Variants in SCN9A observed in about 807,000 individuals in gnomAD.
SCN9A encodes sodium voltage-gated channel alpha subunit 9, also known as sodium channel protein type 9 subunit alpha.
A neutral mutation model predicts 187.0 loss-of-function variants in SCN9A; 131 were observed. The observed-to-expected ratio is 0.70, with a 90% confidence interval of 0.61 to 0.81. SCN9A has a LOEUF of 0.81. Among genes scored for constraint, SCN9A ranks in the 30% least tolerant of loss-of-function variants. The probability of loss-of-function intolerance (pLI) is 0.00; values close to 1 mark genes in which losing one functional copy is unlikely to be tolerated. For missense variants in SCN9A, 2,252 were observed against 2,396.6 expected, an observed-to-expected ratio of 0.94 and a Z score of 1.26; for synonymous variants, 809 against 808.6, an observed-to-expected ratio of 1.00 and a Z score of -0.01.
At chr2:166,357,393 TG>T (rs1304975106) in intron 1 of SCN9A, among the ~76,000 whole-genome samples, 1 of 152,228 alleles carries the variant, frequency 6.6e-6, no homozygotes, top group African/African-American at 2.4e-5. Context: ...CTAACTCTGC[TG>T]ATCTTTAAGA....
intron 17 of SCN9A, among the ~76,000 whole-genome samples, chr2:166,265,824 G>A (rs1205042311): frequency 1.3e-5 from 2 of 151,946 alleles, no homozygotes; most frequent in Admixed American, 6.6e-5. Context: ...GTGATGTTGA[G>A]CATATTTTCA....
At chr2:166,272,916 C>T in intron 16 of SCN9A, 41 bp from the exon 17 acceptor site, 1 of 854,164 alleles carries the variant, frequency 1.2e-6, no homozygotes, top group Non-Finnish European at 1.7e-6. Flanking sequence ...AATAGGGAGA[C>T]AGGAAATATA....
chr2:166,332,228 T>C (rs1465965721), intron 1 of SCN9A, among the ~76,000 whole-genome samples: 1 of 152,186 alleles, frequency 6.6e-6, no homozygotes, highest in Non-Finnish European at 1.5e-5. Context: ...ACCAGTAGTC[T>C]AGCCAGCTGG....
intron 20 of SCN9A, among the ~76,000 whole-genome samples, chr2:166,234,172 G>A (rs1370981584): frequency 6.6e-5 from 10 of 152,170 alleles, no homozygotes; most frequent in South Asian, 2.1e-4. Flanking sequence ...AGTTCTTATC[G>A]TAAATTATCT....
At chr2:166,355,687 C>T (rs1447520134) in intron 1 of SCN9A, among the ~76,000 whole-genome samples, 1 of 151,680 alleles carries the variant, frequency 6.6e-6, no homozygotes, top group Non-Finnish European at 1.5e-5. Flanking sequence ...GTAACTTTAA[C>T]ATTAAAAATA....
intron 1 of SCN9A, among the ~76,000 whole-genome samples, chr2:166,362,457 G>C (rs539520802): frequency 6.6e-6 from 1 of 151,930 alleles, no homozygotes; most frequent in Admixed American, 6.6e-5. Context: ...ATTTTTTTAA[G>C]GGTGAATTAA....
intron 26 of SCN9A, among the ~76,000 whole-genome samples, chr2:166,201,187 C>T (rs1290162269): frequency 6.7e-6 from 1 of 148,854 alleles, no homozygotes; most frequent in African/African-American, 2.5e-5. Flanking sequence ...TATATACACA[C>T]ACTATATATA....
chr2:166,246,478 T>C (rs769360863), intron 18 of SCN9A, among the ~76,000 whole-genome samples: 1 of 151,964 alleles, frequency 6.6e-6, no homozygotes, highest in Non-Finnish European at 1.5e-5. Flanking sequence ...GATAAAATGA[T>C]ATAAAAACAG....
intron 17 of SCN9A, among the ~76,000 whole-genome samples, chr2:166,252,474 A>G (rs893878974): frequency 6.6e-6 from 1 of 151,950 alleles, no homozygotes; most frequent in African/African-American, 2.4e-5. Context: ...CAAGACCACA[A>G]AATCAAATAC....
At chr2:166,311,250 A>T (rs1445781743) in intron 2 of SCN9A, among the ~76,000 whole-genome samples, 20 of 102,740 alleles carry the variant, frequency 1.9e-4, no homozygotes, top group African/African-American at 7.0e-4. Flanking sequence ...AGTATAATTA[A>T]AAAAAAAAAT....
chr2:166,374,506 A>C (rs1005523786), intron 1 of SCN9A, among the ~76,000 whole-genome samples: 14 of 152,188 alleles, frequency 9.2e-5, no homozygotes, highest in African/African-American at 2.7e-4. Flanking sequence ...CCATAATTAT[A>C]AGAAAAAATT....
chr2:166,269,927 T>C (rs1035586000), intron 17 of SCN9A, among the ~76,000 whole-genome samples: 1 of 152,074 alleles, frequency 6.6e-6, no homozygotes, highest in African/African-American at 2.4e-5. Flanking sequence ...AATTTTAATC[T>C]TCTTTAAATG....
At chr2:166,288,120 T>TATATATATATATATACACACACAC (rs56738765) in intron 10 of SCN9A, among the ~76,000 whole-genome samples, 1 of 135,562 alleles carries the variant, frequency 7.4e-6, no homozygotes, top group East Asian at 2.1e-4. Context: ...TATATATATA[T>TATATATATATATATACACACACAC]ACACACACAT....
intron 1 of SCN9A, among the ~76,000 whole-genome samples, chr2:166,354,656 G>A (rs17817307): frequency 0.33 from 50,423 of 151,948 alleles, 9,983 homozygotes; most frequent in Non-Finnish European, 0.44. Flanking sequence ...AGAAACCTAG[G>A]CACAGATACA....
intron 6 of SCN9A, 81 bp from the exon 7 acceptor site, chr2:166,303,383 C>T: frequency 9.0e-7 from 1 of 1,114,772 alleles, no homozygotes; most frequent in African/African-American, 1.6e-5. Context: ...CCTAGAAAGT[C>T]ATGCATTATA....
At chr2:166,288,120 T>TACAC (rs367909573) in intron 10 of SCN9A, among the ~76,000 whole-genome samples, 3 of 135,562 alleles carry the variant, frequency 2.2e-5, no homozygotes, top group Non-Finnish European at 3.1e-5. Context: ...TATATATATA[T>TACAC]ACACACACAT....
chr2:166,359,014 TA>T (rs1407008529), intron 1 of SCN9A, among the ~76,000 whole-genome samples: 2 of 152,228 alleles, frequency 1.3e-5, no homozygotes, highest in African/African-American at 4.8e-5. Context: ...TATTAAATAA[TA>T]TTTCTTTCAA....
rs199988325 is a variant in SCN9A, at chr2:166,228,922, T to C, written c.3975A>G (p.Leu1325=). 6.8e-5 allele frequency: 110 copies of C among 1,613,578 alleles called. No homozygotes were observed. Among genetic ancestry groups the C allele is most frequent in the East Asian group, 4.7e-4 (21 of 44,890 alleles). ...TCAGCCAGAATATAAGACACACAAG[T>C]AGCACATTCATGATGGAAGGAATTG... ...IGAIPSIMNV[L]LVCLIFWLIF... is the part of the protein sequence containing the mutation. Residue 1325 remains leucine, a synonymous_variant, in exon 22 of 27, where the codon CTA becomes CTG. Transcript: ENST00000642356.
At chr2:166,314,927 C>T (rs1320665042) in intron 1 of SCN9A, among the ~76,000 whole-genome samples, 1 of 152,114 alleles carries the variant, frequency 6.6e-6, no homozygotes, top group Admixed American at 6.5e-5. Flanking sequence ...TACTAAAAAC[C>T]ACTGAGTGAT....
Sources: allele counts gnomAD v4.1 joint callset (sites outside exome capture counted in the v4.1 genomes callset), GRCh38; gene constraint gnomAD v4.1.1; transcripts MANE v1.5; gene names NCBI Gene and HGNC (gene_info 2026-07-23, HGNC 2026-07-21).